Variants in BABAM2 observed in about 807,000 individuals in gnomAD.
The protein encoded by BABAM2 is BRISC and BRCA1 A complex member 2, also known as BRISC and BRCA1-A complex member 2.
Under a neutral mutation model 54.7 loss-of-function variants are expected in BABAM2, and 31 were observed. The observed-to-expected ratio is 0.57, with a 90% CI of 0.43 to 0.77. The LOEUF is 0.77. Among genes scored for constraint, BABAM2 ranks in the 30% least tolerant of loss-of-function variants. The pLI is 0.00. For missense variants in BABAM2, 364 were observed against 455.8 expected, an observed-to-expected ratio of 0.80 and a Z score of 1.83; for synonymous variants, 167 against 162.9, an observed-to-expected ratio of 1.03 and a Z score of -0.19.
At chr2:28,031,064 A>G (rs1232765374) in intron 5 of BABAM2, among the ~76,000 whole-genome samples, 1 of 152,220 alleles carries the variant, frequency 6.6e-6, no homozygotes, top group Non-Finnish European at 1.5e-5. Flanking sequence ...AAAATGCAGT[A>G]GTCAATTGGA....
chr2:27,955,409 T>C (rs1048883673), intron 3 of BABAM2, among the ~76,000 whole-genome samples: 3 of 152,226 alleles, frequency 2.0e-5, no homozygotes, highest in Admixed American at 2.0e-4. Context: ...TGCTGCTTTC[T>C]TCCTTTAAAG....
chr2:28,298,172 T>C (rs953315873), intron 10 of BABAM2, among the ~76,000 whole-genome samples, 166 bp from the exon 11 acceptor site: 2 of 152,132 alleles, frequency 1.3e-5, no homozygotes, highest in African/African-American at 2.4e-5. Context: ...AGAAGTCACT[T>C]TGTATTTCTT....
At chr2:28,242,961 A>ATG (rs1165722301) in intron 9 of BABAM2, among the ~76,000 whole-genome samples, 6 of 152,220 alleles carry the variant, frequency 3.9e-5, no homozygotes, top group Admixed American at 3.9e-4. Flanking sequence ...TTTAGTATAT[A>ATG]TAATTAAACA....
At chr2:28,327,240 C>G in intron 11 of BABAM2, 1 of 1,574,716 alleles carries the variant, frequency 6.4e-7, no homozygotes, top group Non-Finnish European at 8.6e-7. Flanking sequence ...AGCTGGCCCT[C>G]CCTTCTCCTC....
chr2:28,195,472 A>G (rs1398959567), intron 7 of BABAM2, among the ~76,000 whole-genome samples: 1 of 152,192 alleles, frequency 6.6e-6, no homozygotes, highest in Non-Finnish European at 1.5e-5. Context: ...TCTCTATGAC[A>G]TGAGAATTCT....
chr2:28,155,739 C>A (rs1672486851), intron 7 of BABAM2, among the ~76,000 whole-genome samples: 1 of 152,246 alleles, frequency 6.6e-6, no homozygotes, highest in East Asian at 1.9e-4. Flanking sequence ...ACAGCATTTT[C>A]TTTCCTTCTG....
At chr2:28,022,914 A>T (rs944623950) in intron 4 of BABAM2, among the ~76,000 whole-genome samples, 1 of 152,178 alleles carries the variant, frequency 6.6e-6, no homozygotes, top group South Asian at 2.1e-4. Context: ...AAAACTTTAT[A>T]TATCTTCTGT....
intron 3 of BABAM2, among the ~76,000 whole-genome samples, chr2:27,968,390 C>A (rs967226371): frequency 1.3e-5 from 2 of 152,206 alleles, no homozygotes; most frequent in Non-Finnish European, 2.9e-5. Flanking sequence ...GTTTGGGAAC[C>A]TCTGTCTAGA....
At chr2:27,949,049 C>G (rs2148402302) in intron 3 of BABAM2, among the ~76,000 whole-genome samples, 1 of 152,130 alleles carries the variant, frequency 6.6e-6, no homozygotes, top group South Asian at 2.1e-4. Flanking sequence ...GTCTGCCTAC[C>G]CCAGCCTGCT....
chr2:28,019,310 T>G (rs1379057680), intron 4 of BABAM2, among the ~76,000 whole-genome samples: 1 of 151,370 alleles, frequency 6.6e-6, no homozygotes, highest in African/African-American at 2.4e-5. Context: ...GCAATAAACA[T>G]AGGTGTGCAC....
At chr2:28,216,565 G>A (rs1027885864) in intron 7 of BABAM2, among the ~76,000 whole-genome samples, 10 of 152,152 alleles carry the variant, frequency 6.6e-5, no homozygotes, top group African/African-American at 1.9e-4. Flanking sequence ...TGAAGTTCAG[G>A]TTGATGGAGC....
chr2:28,184,611 GA>G (rs1451953566), intron 7 of BABAM2, among the ~76,000 whole-genome samples: 3 of 151,810 alleles, frequency 2.0e-5, no homozygotes, highest in Non-Finnish European at 4.4e-5. Context: ...AGTTTGCTGA[GA>G]ATGATGGTTT....
chr2:27,928,293 T>C (rs1383370339), intron 2 of BABAM2, among the ~76,000 whole-genome samples: 1 of 152,090 alleles, frequency 6.6e-6, no homozygotes, highest in African/African-American at 2.4e-5. Flanking sequence ...GGATTACAGA[T>C]GTGAGCCACC....
rs887040514 is a variant in BABAM2 at position 28,322,667 on chromosome 2, C to T, written c.1089-15783C>T. Among the ~76,000 whole-genome samples, 4 of 152,174 alleles carry T rather than the reference C, an allele frequency of 2.6e-5. No individual in the cohort carries two copies. Among genetic ancestry groups the T allele is most frequent in the Non-Finnish European group, 4.4e-5 (3 of 68,030 alleles). ...ACAAGCAGTCATGGGCTGTGGTTGG[C>T]GGCCGCAGGCCCCGATGCTTAGGCC... On this transcript the variant is annotated intron_variant, in intron 11 of 11. Transcript: ENST00000379624. This position sits in a 1 kb window ranked among gnomAD's most constrained non-coding sequence, Gnocchi z 4.1.
At chr2:28,009,412 A>C (rs2839791) in intron 4 of BABAM2, among the ~76,000 whole-genome samples, 99,370 of 151,930 alleles carry the variant, frequency 0.65, 34,184 homozygotes, top group Middle Eastern at 0.8. Flanking sequence ...AGGGATTTTT[A>C]AAATATTAAT....
intron 10 of BABAM2, among the ~76,000 whole-genome samples, chr2:28,276,471 TGTTTTTA>T (rs1685892045): frequency 6.6e-6 from 1 of 152,238 alleles, no homozygotes; most frequent in Non-Finnish European, 1.5e-5. Context: ...AGCCGTGGGA[TGTTTTTA>T]GCAAAGACTG....
intron 6 of BABAM2, among the ~76,000 whole-genome samples, chr2:28,095,747 G>A (rs757160606): frequency 6.6e-6 from 1 of 152,158 alleles, no homozygotes; most frequent in Non-Finnish European, 1.5e-5. Flanking sequence ...TGGAAATGCT[G>A]TTTCAAGAAC....
intron 10 of BABAM2, among the ~76,000 whole-genome samples, chr2:28,287,648 G>C (rs181278221): frequency 2.2e-4 from 33 of 152,310 alleles, no homozygotes; most frequent in Non-Finnish European, 4.4e-4. Context: ...GAGCATGCAA[G>C]GAAGGCTTCC....
chr2:28,209,259 G>A (rs1235544519), intron 7 of BABAM2, among the ~76,000 whole-genome samples: 1 of 152,144 alleles, frequency 6.6e-6, no homozygotes, highest in Non-Finnish European at 1.5e-5. Flanking sequence ...TTAGAGTGGG[G>A]TGGAGTGGGA....
Sources: gnomAD v4.1 joint callset for allele counts (sites outside exome capture counted in the v4.1 genomes callset) on GRCh38, gnomAD v4.1.1 for gene constraint, Gnocchi (gnomAD v3.1) non-coding constraint, MANE v1.5 for transcripts, NCBI Gene and HGNC (gene_info 2026-07-23, HGNC 2026-07-21) for gene names.